Variants in ANGPTL1 observed in about 807,000 individuals in gnomAD.
ANGPTL1 encodes angiopoietin like 1, also known as angiopoietin-related protein 1.
ANGPTL1 carries 36 observed loss-of-function variants against 46.7 expected under a neutral mutation model. The ratio of observed to expected loss-of-function variants is 0.77; its 90% CI spans 0.59 to 1.02. The LOEUF (loss-of-function observed/expected upper bound fraction) is 1.02. ANGPTL1 is among the 50% of genes least tolerant of loss of function. ANGPTL1 has a pLI of 0.00. For missense variants in ANGPTL1, 571 were observed against 594.7 expected, an observed-to-expected ratio of 0.96 and a Z score of 0.41; for synonymous variants, 221 against 204.3, an observed-to-expected ratio of 1.08 and a Z score of -0.69.
intron 5 of ANGPTL1, 43 bp from the exon 6 acceptor site, chr1:178,851,359 A>G: frequency 6.4e-7 from 1 of 1,564,028 alleles, no homozygotes. Flanking sequence ...AGTTTCTTCT[A>G]GGTGTGGTAC....
intron 3 of ANGPTL1, among the ~76,000 whole-genome samples, chr1:178,863,007 T>A (rs1190958167): frequency 6.6e-6 from 1 of 152,178 alleles, no homozygotes; most frequent in Non-Finnish European, 1.5e-5. Flanking sequence ...ACTCTTCAAT[T>A]GTTAAATCTT....
chr1:178,867,440 T>C (rs1419567037), intron 2 of ANGPTL1, among the ~76,000 whole-genome samples: 2 of 152,110 alleles, frequency 1.3e-5, no homozygotes, highest in Non-Finnish European at 2.9e-5. Context: ...ACTATTTGCA[T>C]TTATAACACT....
rs1418973432 is a variant in ANGPTL1, at chr1:178,849,636, A to G, written c.*1493T>C. 2 of 152,206 alleles carry G rather than the reference A, an allele frequency of 1.3e-5. No individual in the cohort carries two copies. The highest frequency in any genetic ancestry group is 2.9e-5 in the Non-Finnish European group (2 of 68,030). 9.4% of individuals were successfully genotyped at this position (152,206 alleles called of 1,614,324 possible). On this transcript the variant is annotated 3_prime_UTR_variant, in exon 6 of 6. Transcript: ENST00000234816. ...TCTTATAACAGATTCTTTGGTTCTG[A>G]AGGAAGTGGAGAGGGACTGAAAAAC...
intron 3 of ANGPTL1, among the ~76,000 whole-genome samples, chr1:178,861,073 A>G (rs1016080573): frequency 2.6e-5 from 4 of 152,216 alleles, no homozygotes; most frequent in Admixed American, 2.0e-4. Context: ...CATTATACAA[A>G]TGAGAAAACA....
chr1:178,861,749 A>G (rs1466988002), intron 3 of ANGPTL1, among the ~76,000 whole-genome samples: 1 of 152,230 alleles, frequency 6.6e-6, no homozygotes, highest in Non-Finnish European at 1.5e-5. Context: ...AAGCTTACAT[A>G]AAACAAAATT....
intron 4 of ANGPTL1, 126 bp from the exon 5 acceptor site, chr1:178,853,079 A>T (rs1657290892): frequency 6.9e-7 from 1 of 1,444,298 alleles, no homozygotes; most frequent in Non-Finnish European, 9.1e-7. Flanking sequence ...GTGAGCTTCC[A>T]TTTTAGTTGG....
Position 178,853,745 on chromosome 1 carries a change from G to C in ANGPTL1, c.866C>G (p.Ser289Trp). The C allele has an allele frequency of 3.7e-6, 6 of 1,602,598 alleles. No individual in the cohort carries two copies. Among genetic ancestry groups the C allele is most frequent in the Non-Finnish European group, 5.1e-6 (6 of 1,175,174 alleles). ...TTTAATCATATAAATCCCACTGACC[G>C]AATGCCCAGCTTCTTTTGCTTGCTG... ...DCQQAKEAGH[S>W]VSGIYMIKPE... The change falls in exon 4 of 6, where the codon TCG becomes TGG. Residue 289 changes from serine to tryptophan, a missense_variant. Coordinates refer to ENST00000234816, the MANE Select transcript of ANGPTL1 (RefSeq NM_004673.4).
intron 3 of ANGPTL1, among the ~76,000 whole-genome samples, chr1:178,863,764 A>C (rs1454613619): frequency 6.6e-6 from 1 of 152,226 alleles, no homozygotes; most frequent in Non-Finnish European, 1.5e-5. Flanking sequence ...ATGCCAGTGA[A>C]GGACCTAAAG....
At position 178,850,088 on chromosome 1, in the gene ANGPTL1, G is replaced by A. The variant is rs932020511; in HGVS notation, c.*1041C>T. The A allele has an allele frequency of 1.3e-5, 2 of 152,646 alleles. No individual in the cohort carries two copies. The highest frequency in any genetic ancestry group is 4.8e-5 in the African/African-American group (2 of 41,446). The allele number at this position is 152,646 out of a possible 1,614,324, so 9.5% of individuals were successfully genotyped here. A position where few individuals can be genotyped will look rare whatever the true frequency, so the allele number is the denominator to read the frequency against. ...AAATGAAATTAGCAGTTTGGACTAA[G>A]CTATGCCCCTGTGGCTTCTGCTCTG... On this transcript the variant is annotated 3_prime_UTR_variant, in exon 6 of 6. Transcript: ENST00000234816.
rs1657060699 is a variant in ANGPTL1, at chr1:178,849,841, G to A, written c.*1288C>T. 1 of 152,214 alleles carries A rather than the reference G, an allele frequency of 6.6e-6. No individual in the cohort carries two copies. The highest frequency in any genetic ancestry group is 2.4e-5 in the African/African-American group (1 of 41,460). 9.4% of individuals were successfully genotyped at this position (152,214 alleles called of 1,614,324 possible). A position where few individuals can be genotyped will look rare whatever the true frequency, so the allele number is the denominator to read the frequency against. On this transcript the variant is annotated 3_prime_UTR_variant, in exon 6 of 6. Transcript: ENST00000234816. ...TCACATTAAGCTATTCCCATGCATA[G>A]TTTGCCTCACACATTTCAATTCGAG...
intron 1 of ANGPTL1, among the ~76,000 whole-genome samples, chr1:178,869,489 T>G (rs939054188): frequency 5.3e-5 from 8 of 152,224 alleles, no homozygotes; most frequent in South Asian, 2.1e-4. Context: ...ATTAAATGCC[T>G]GCCTTAAGAC....
At position 178,865,532 on chromosome 1, in the gene ANGPTL1, C is replaced by A. The variant is rs1658345774; in HGVS notation, c.245G>T (p.Arg82Met). The A allele has an allele frequency of 1.2e-6, 2 of 1,614,124 alleles. No individual in the cohort carries two copies. Among genetic ancestry groups the A allele is most frequent in the Non-Finnish European group, 1.7e-6 (2 of 1,180,008 alleles). Reference sequence around the variant, plus strand: ...ATCCTTCAGGTTTTCAAGGTCCATCCTGGTGATCATGTCTTTAATGGTACT... The same window carrying A: ...ATCCTTCAGGTTTTCAAGGTCCATCATGGTGATCATGTCTTTAATGGTACT... Reference protein sequence around the residue: ...DASTIKDMITRMDLENLKDVL... With the variant: ...DASTIKDMITMMDLENLKDVL... The change falls in exon 3 of 6, where the codon AGG becomes ATG. Residue 82 changes from arginine to methionine, a missense_variant. Physicochemically the swap from Arg to Met is moderately conservative, Grantham distance 91 (BLOSUM62 -1). Transcript: ENST00000234816.
chr1:178,860,812 A>T (rs769141012), intron 3 of ANGPTL1, among the ~76,000 whole-genome samples: 2 of 152,144 alleles, frequency 1.3e-5, no homozygotes, highest in Non-Finnish European at 2.9e-5. Context: ...CAGTAATAGG[A>T]ATTTCTTGGT....
rs564972420 is a variant in ANGPTL1, at chr1:178,853,886, A to T, written c.824-99T>A. 41 of 907,098 alleles carry T rather than the reference A, an allele frequency of 4.5e-5. No individual in the cohort carries two copies. In the East Asian group the frequency reaches 8.8e-4, roughly 19 times the overall value. The allele number at this position is 907,098 out of a possible 1,614,324, so 56.2% of individuals were successfully genotyped here. On this transcript the variant is annotated intron_variant, in intron 3 of 5. Coordinates refer to ENST00000234816, the MANE Select transcript of ANGPTL1 (RefSeq NM_004673.4). ...TTTTTACCTTTGTGTCTTTGTTTAC[A>T]GTTACCATTGTTTATCATATATACA...
intron 3 of ANGPTL1, among the ~76,000 whole-genome samples, chr1:178,854,500 C>T (rs1432870069): frequency 6.6e-6 from 1 of 152,082 alleles, no homozygotes; most frequent in Non-Finnish European, 1.5e-5. Flanking sequence ...TAAATTTCCC[C>T]CAACAACACT....
rs976113930 is a variant in ANGPTL1, at chr1:178,865,360, A to G, written c.417T>C (p.His139=). The change falls in exon 3 of 6, where the codon CAT becomes CAC. Residue 139 remains histidine, a synonymous_variant. Coordinates refer to ENST00000234816, the MANE Select transcript of ANGPTL1 (RefSeq NM_004673.4). ...AATTATCCCTCTTACGGATAATCTC[A>G]TGTAATAATTGCATATAGAGTTGAG... is the stretch of plus-strand genomic sequence containing the variant. ...RVTQLYMQLL[H]EIIRKRDNSL... The G allele has an allele frequency of 1.9e-6, 3 of 1,614,092 alleles. No individual in the cohort carries two copies. The African/African-American group carries it at 4.0e-5, about 22-fold the overall frequency.
intron 3 of ANGPTL1, among the ~76,000 whole-genome samples, chr1:178,856,194 GAGAGAGAGATATATATATATAT>G (rs1319320678): frequency 5.5e-4 from 55 of 99,198 alleles, no homozygotes; most frequent in African/African-American, 2.9e-3. Context: ...CTTTTCCAGA[GAGAGAGAGATATATATATATAT>G]ATATATATAT....
intron 3 of ANGPTL1, among the ~76,000 whole-genome samples, chr1:178,856,306 C>G (rs565319800): frequency 1.4e-5 from 2 of 143,996 alleles, no homozygotes; most frequent in African/African-American, 5.2e-5. Flanking sequence ...TAGCTCACCA[C>G]AGCCTCGAAC....
At position 178,852,686 on chromosome 1, in the gene ANGPTL1, C is replaced by A; in HGVS notation, c.1285G>T (p.Ala429Ser). ...TTLDRDKDMY[A>S]GNCAHFHKGG... ...AATGAAAGTTTTTCATACTTACCTG[C>A]ATACATATCTTTATCTCTGTCCAGT... The change falls in exon 5 of 6, where the codon GCA (alanine) becomes TCA (serine). Residue 429 changes from alanine to serine, a missense_variant. Ala to Ser is a moderately conservative substitution (Grantham distance 99). Coordinates refer to ENST00000234816, the MANE Select transcript of ANGPTL1 (RefSeq NM_004673.4). 6.2e-7 allele frequency: 1 copy of A among 1,611,110 alleles called. No individual in the cohort carries two copies.
Sources: gnomAD v4.1 joint callset for allele counts (sites outside exome capture counted in the v4.1 genomes callset) on GRCh38, gnomAD v4.1.1 for gene constraint, MANE v1.5 for transcripts, NCBI Gene and HGNC (gene_info 2026-07-23, HGNC 2026-07-21) for gene names.